Variants in COG5 observed in about 807,000 individuals in gnomAD.
The protein encoded by COG5 is conserved oligomeric Golgi complex subunit 5.
Under a neutral mutation model 110.4 loss-of-function variants are expected in COG5, and 86 were observed. The ratio of observed to expected loss-of-function variants is 0.78; its 90% confidence interval spans 0.65 to 0.93. The LOEUF (loss-of-function observed/expected upper bound fraction) is 0.93, where lower values mean the gene tolerates loss of function less well. Ranked by LOEUF, COG5 falls within the 40% of genes least tolerant of loss-of-function variation. COG5 has a pLI of 0.00. For synonymous variants in COG5, 360 were observed against 334.6 expected (o/e 1.08, Z -0.83); for missense variants, 1,077 against 987.0 (o/e 1.09, Z -1.22).
At chr7:107,431,045 A>AAACTAACTTACAGTGTTCCGAAGG (rs1472091228) in intron 6 of COG5, among the ~76,000 whole-genome samples, 12 of 152,302 alleles carry the variant, frequency 7.9e-5, no homozygotes, top group Admixed American at 2.0e-4. Flanking sequence ...AACAAACAGA[A>AAACTAACTTACAGTGTTCCGAAGG]AACTAACTTA....
At chr7:107,328,956 G>GACTAC (rs2129029747) in intron 10 of COG5, among the ~76,000 whole-genome samples, 1 of 152,178 alleles carries the variant, frequency 6.6e-6, no homozygotes, top group Admixed American at 6.5e-5. Flanking sequence ...GAGTACCTGG[G>GACTAC]ACTACAGGCA....
intron 12 of COG5, among the ~76,000 whole-genome samples, chr7:107,285,387 A>T (rs977601615): frequency 1.3e-5 from 2 of 152,210 alleles, no homozygotes; most frequent in African/African-American, 2.4e-5. Context: ...GCACTGAATT[A>T]TAAGAACTAA....
At chr7:107,326,340 A>T (rs1033210677) in intron 10 of COG5, among the ~76,000 whole-genome samples, 4 of 152,206 alleles carry the variant, frequency 2.6e-5, no homozygotes. Flanking sequence ...AAAAGCATCC[A>T]AATTGGAATG....
intron 6 of COG5, among the ~76,000 whole-genome samples, chr7:107,523,831 A>G (rs887827026): frequency 6.6e-6 from 1 of 152,188 alleles, no homozygotes; most frequent in African/African-American, 2.4e-5. Flanking sequence ...GAAAAAAAAA[A>G]AAAGAATGTA....
intron 7 of COG5, among the ~76,000 whole-genome samples, chr7:107,406,182 T>C (rs1236506708): frequency 6.6e-6 from 1 of 152,036 alleles, no homozygotes; most frequent in Non-Finnish European, 1.5e-5. Context: ...AGGGAGAAAA[T>C]ACTCCCCCTC....
At position 107,202,725 on chromosome 7, in the gene COG5, T is replaced by C. The variant is rs1476360467; in HGVS notation, c.*791A>G. On this transcript the variant is annotated 3_prime_UTR_variant, in exon 22 of 22. Transcript: ENST00000297135. ...ACAAGAGCCATCAGAAAATAAGGAC[T>C]TAGATTATCTACTATTTATAGAGAA... 1 of 152,156 alleles carries C rather than the reference T, an allele frequency of 6.6e-6. No homozygotes were observed. Among genetic ancestry groups the C allele is most frequent in the African/African-American group, 2.4e-5 (1 of 41,434 alleles). The allele number at this position is 152,156 out of a possible 1,614,324, so 9.4% of individuals were successfully genotyped here.
At chr7:107,556,111 A>G (rs1475112697) in intron 2 of COG5, among the ~76,000 whole-genome samples, 3 of 152,168 alleles carry the variant, frequency 2.0e-5, no homozygotes, top group Non-Finnish European at 4.4e-5. Context: ...AGAGAACCAC[A>G]TTGATCACTC....
At chr7:107,498,615 A>AG (rs1202747570) in intron 6 of COG5, among the ~76,000 whole-genome samples, 1 of 152,138 alleles carries the variant, frequency 6.6e-6, no homozygotes. Context: ...ATTAAAAAAA[A>AG]CAAACAAGCA....
intron 3 of COG5, among the ~76,000 whole-genome samples, chr7:107,550,459 C>T (rs1165091097): frequency 6.6e-6 from 1 of 152,162 alleles, no homozygotes; most frequent in African/African-American, 2.4e-5. Flanking sequence ...TCCCAAGAAC[C>T]TTATCTACGA....
chr7:107,546,336 G>C (rs574349999), intron 5 of COG5, among the ~76,000 whole-genome samples: 1 of 150,190 alleles, frequency 6.7e-6, no homozygotes, highest in South Asian at 2.1e-4. Flanking sequence ...AAAGTTAGTA[G>C]AAGGAAGAAA....
intron 12 of COG5, among the ~76,000 whole-genome samples, chr7:107,295,034 CAT>C (rs1174827677): frequency 9.7e-5 from 8 of 82,466 alleles, no homozygotes; most frequent in Non-Finnish European, 1.3e-4. Flanking sequence ...TATACACACA[CAT>C]ATACACACAC....
chr7:107,272,563 T>C lies in COG5; in HGVS notation c.1575+8737A>G, dbSNP rs574662026. Among the ~76,000 whole-genome samples the C allele has an allele frequency of 4.4e-4, 67 of 152,190 alleles. 4 individuals are homozygous for C. Among genetic ancestry groups the C allele is most frequent in the Admixed American group, 2.0e-4 (3 of 15,272 alleles). ...TGTCTCAGATATACGGGGTTCACAATTTCAAAAATATTTTGAGAAATATTT... is the reference window on the plus strand; with the variant it reads ...TGTCTCAGATATACGGGGTTCACAACTTCAAAAATATTTTGAGAAATATTT... On this transcript the variant is annotated intron_variant, in intron 14 of 21. Coordinates refer to ENST00000297135, the MANE Select transcript of COG5 (RefSeq NM_006348.5).
chr7:107,402,857 G>C (rs1791539445), intron 7 of COG5, among the ~76,000 whole-genome samples: 1 of 152,150 alleles, frequency 6.6e-6, no homozygotes, highest in South Asian at 2.1e-4. Context: ...CAAAGAAAAT[G>C]GTAGTGATAT....
intron 5 of COG5, among the ~76,000 whole-genome samples, chr7:107,542,762 G>A (rs1447598528): frequency 2.6e-5 from 4 of 152,050 alleles, no homozygotes; most frequent in African/African-American, 7.2e-5. Context: ...TTGAGGTCAG[G>A]AGTTCGAGAC....
chr7:107,227,692 A>AT (rs35707279), intron 19 of COG5, among the ~76,000 whole-genome samples: 1,307 of 112,342 alleles, frequency 0.012, 4 homozygotes, highest in Non-Finnish European at 0.016. Flanking sequence ...ACTTAGCACT[A>AT]TTTTTTTTTG....
In COG5 at chr7:107,525,732, A is replaced by T. The variant is rs370520911; in HGVS notation, c.538+1505T>A. Among the ~76,000 whole-genome samples, 14 of 151,778 alleles carry T rather than the reference A, an allele frequency of 9.2e-5. No individual in the cohort carries two copies. The East Asian group carries it at 1.7e-3, about 19-fold the overall frequency. On this transcript the variant is annotated intron_variant, in intron 6 of 21. Coordinates refer to ENST00000297135, the MANE Select transcript of COG5 (RefSeq NM_006348.5). ...GATGCTCAACTTTTATTTTGTTTTA[A>T]TTTCCTTTACTTCTCAATTTTTACT...
chr7:107,487,465 G>A (rs750297464), intron 6 of COG5, among the ~76,000 whole-genome samples: 30 of 151,990 alleles, frequency 2.0e-4, no homozygotes, highest in Non-Finnish European at 4.4e-4. Flanking sequence ...GACTCCCGAC[G>A]TATCAGGATT....
chr7:107,314,196 A>G (rs534568203), intron 11 of COG5, among the ~76,000 whole-genome samples: 1 of 152,202 alleles, frequency 6.6e-6, no homozygotes, highest in Non-Finnish European at 1.5e-5. Flanking sequence ...TAACAATTTT[A>G]AAAAATTCCA....
chr7:107,210,817 GAA>G (rs964426621), intron 20 of COG5, among the ~76,000 whole-genome samples: 4 of 152,212 alleles, frequency 2.6e-5, no homozygotes, highest in Admixed American at 2.6e-4. Context: ...GGTCAGCAAA[GAA>G]AATGGGGCTG....
Sources: allele counts gnomAD v4.1 joint callset (sites outside exome capture counted in the v4.1 genomes callset), GRCh38; gene constraint gnomAD v4.1.1; transcripts MANE v1.5; gene names NCBI Gene and HGNC (gene_info 2026-07-23, HGNC 2026-07-21).